Variants in CSMD3 observed in about 807,000 individuals in gnomAD.
CSMD3 encodes the protein CUB and sushi domain-containing protein 3.
Under a neutral mutation model 435.2 loss-of-function variants are expected in CSMD3, and 177 were observed. That is an observed-to-expected ratio of 0.41 (90% CI 0.36 to 0.46). The LOEUF is 0.46. Among genes scored for constraint, CSMD3 ranks in the 20% least tolerant of loss-of-function variants. The pLI is 0.34. For missense variants in CSMD3, 4,265 were observed against 4,504.6 expected (o/e 0.95, Z 1.52); for synonymous variants, 1,656 against 1,520.5 (o/e 1.09, Z -2.07).
rs573505748 is a variant in CSMD3, at chr8:113,153,700, G to T, written c.709+20022C>A. 7.9e-4 allele frequency among the ~76,000 whole-genome samples: 120 copies of T among 152,108 alleles called. 1 individual carries two copies. The highest frequency in any genetic ancestry group is 2.8e-3 in the African/African-American group (116 of 41,522). ...CTGCATAAGTGTTCAAAAGTAGTGG[G>T]GGTGCAACAGAATTTAGTCAAATGT... On this transcript the variant is annotated intron_variant, in intron 4 of 70. Coordinates refer to ENST00000297405, the MANE Select transcript of CSMD3 (RefSeq NM_198123.2).
At chr8:112,417,383 T>C (rs954714955) in intron 32 of CSMD3, among the ~76,000 whole-genome samples, 8 of 152,276 alleles carry the variant, frequency 5.3e-5, no homozygotes, top group Middle Eastern at 3.4e-3. Flanking sequence ...AGCACATAAA[T>C]TAATACTTGT....
chr8:112,323,892 T>C (rs111696689), intron 45 of CSMD3, among the ~76,000 whole-genome samples: 3,470 of 152,100 alleles, frequency 0.023, 145 homozygotes, highest in African/African-American at 0.078. Context: ...TATGTGTAAA[T>C]ATACTCATGT....
chr8:112,833,918 A>G (rs1247585535), intron 11 of CSMD3, among the ~76,000 whole-genome samples: 1 of 151,992 alleles, frequency 6.6e-6, no homozygotes, highest in Non-Finnish European at 1.5e-5. Context: ...GTGCACTGTA[A>G]TTAAAATTAG....
intron 22 of CSMD3, among the ~76,000 whole-genome samples, chr8:112,626,933 T>C (rs544946919): frequency 4.6e-5 from 7 of 152,160 alleles, no homozygotes; most frequent in Non-Finnish European, 1.0e-4. Flanking sequence ...TATATTTTCC[T>C]AGTGAAAATT....
At chr8:112,228,983 G>T in intron 69 of CSMD3, 92 bp from the exon 70 acceptor site, 1 of 738,336 alleles carries the variant, frequency 1.4e-6, no homozygotes, top group Non-Finnish European at 2.3e-6. Context: ...CTATTCTCAA[G>T]ATATCTACCT....
At chr8:112,360,239 C>G (rs1306529820) in intron 38 of CSMD3, among the ~76,000 whole-genome samples, 1 of 151,940 alleles carries the variant, frequency 6.6e-6, no homozygotes, top group Admixed American at 6.6e-5. Flanking sequence ...ACATTCATTT[C>G]TCTTCCTTTC....
At chr8:112,651,888 T>A (rs114061328) in intron 18 of CSMD3, among the ~76,000 whole-genome samples, 1,766 of 152,142 alleles carry the variant, frequency 0.012, 37 homozygotes, top group African/African-American at 0.039. Flanking sequence ...ACTCTTTTCC[T>A]CCACAAAATA....
chr8:113,009,675 C>T (rs2086185545), intron 6 of CSMD3, among the ~76,000 whole-genome samples: 1 of 151,646 alleles, frequency 6.6e-6, no homozygotes, highest in Non-Finnish European at 1.5e-5. Context: ...GGATATTATC[C>T]AATGAAATAA....
At chr8:113,342,570 A>C (rs1174977670) in intron 1 of CSMD3, among the ~76,000 whole-genome samples, 4 of 152,130 alleles carry the variant, frequency 2.6e-5, no homozygotes, top group African/African-American at 7.2e-5. Context: ...TTGCAAGTAA[A>C]ATTTGTACCC....
intron 9 of CSMD3, among the ~76,000 whole-genome samples, chr8:112,942,359 T>C (rs1465701936): frequency 6.6e-6 from 1 of 151,720 alleles, no homozygotes; most frequent in Non-Finnish European, 1.5e-5. Context: ...ATACCATTAT[T>C]GCGTATATAC....
At chr8:112,553,162 C>T (rs1048911002) in intron 25 of CSMD3, among the ~76,000 whole-genome samples, 2 of 152,024 alleles carry the variant, frequency 1.3e-5, no homozygotes, top group African/African-American at 4.8e-5. Context: ...TTTCATTGTC[C>T]TTTTATTTCC....
At chr8:112,733,322 G>A (rs1012043967) in intron 13 of CSMD3, among the ~76,000 whole-genome samples, 2 of 150,552 alleles carry the variant, frequency 1.3e-5, no homozygotes, top group Non-Finnish European at 3.0e-5. Context: ...TTAGATTTTT[G>A]TTTTGGCTAA....
chr8:112,930,372 G>C (rs1587698088), intron 9 of CSMD3, among the ~76,000 whole-genome samples: 1 of 152,086 alleles, frequency 6.6e-6, no homozygotes, highest in East Asian at 1.9e-4. Context: ...CTTAATAGTG[G>C]CAACACATTA....
At chr8:112,791,631 C>A (rs2078695394) in intron 13 of CSMD3, among the ~76,000 whole-genome samples, 1 of 151,936 alleles carries the variant, frequency 6.6e-6, no homozygotes, top group African/African-American at 2.4e-5. Flanking sequence ...ATATACTCAC[C>A]TATAAATGGA....
chr8:113,050,358 T>C (rs893095869), intron 5 of CSMD3, among the ~76,000 whole-genome samples: 3 of 152,098 alleles, frequency 2.0e-5, no homozygotes, highest in Admixed American at 6.5e-5. Flanking sequence ...GATGCTCAGA[T>C]ATATTGTTAA....
chr8:112,485,843 T>C (rs1375676987), intron 31 of CSMD3, among the ~76,000 whole-genome samples: 4 of 152,016 alleles, frequency 2.6e-5, no homozygotes, highest in South Asian at 2.1e-4. Context: ...GAACAGAGAA[T>C]GGTGCCAGAA....
intron 45 of CSMD3, among the ~76,000 whole-genome samples, chr8:112,324,582 G>GTGTGTGT (rs375902979): frequency 0.016 from 2,447 of 149,248 alleles, 27 homozygotes; most frequent in Non-Finnish European, 0.026. Context: ...TGTGTGTGTG[G>GTGTGTGT]GTGTGTGTGT....
At chr8:113,093,824 C>T (rs574528105) in intron 5 of CSMD3, among the ~76,000 whole-genome samples, 1 of 152,082 alleles carries the variant, frequency 6.6e-6, no homozygotes, top group South Asian at 2.1e-4. Flanking sequence ...GTATTACATA[C>T]CTTATTGCAT....
chr8:113,277,269 G>C (rs1032915882), intron 3 of CSMD3, among the ~76,000 whole-genome samples: 32 of 152,018 alleles, frequency 2.1e-4, no homozygotes, highest in African/African-American at 7.7e-4. Flanking sequence ...TATTGTGAGA[G>C]CTCCTTAGAA....
Sources: gnomAD v4.1 joint callset for allele counts (sites outside exome capture counted in the v4.1 genomes callset) on GRCh38, gnomAD v4.1.1 for gene constraint, MANE v1.5 for transcripts, NCBI Gene and HGNC (gene_info 2026-07-23, HGNC 2026-07-21) for gene names.